ECM2: variants seen among roughly 807,000 people sequenced by gnomAD.
The protein encoded by ECM2 is extracellular matrix protein 2, also known as extracellular matrix protein 2, female organ and adipocyte specific.
ECM2 carries 57 observed loss-of-function variants against 67.5 expected under a neutral mutation model. That is an observed-to-expected ratio of 0.84 (90% CI 0.68 to 1.05). The LOEUF (loss-of-function observed/expected upper bound fraction) is 1.05, where lower values mean the gene tolerates loss of function less well. ECM2 is among the 50% of genes least tolerant of loss of function. The pLI, the probability that ECM2 is intolerant of heterozygous loss-of-function variation, is 0.00. For synonymous variants in ECM2, 258 were observed against 294.5 expected, an observed-to-expected ratio of 0.88 and a Z score of 1.27; for missense variants, 741 against 822.8, an observed-to-expected ratio of 0.90 and a Z score of 1.22.
intron 1 of ECM2, among the ~76,000 whole-genome samples, chr9:92,532,647 C>G (rs1848869291): frequency 6.6e-6 from 1 of 151,948 alleles, no homozygotes; most frequent in South Asian, 2.1e-4. Context: ...CTTCCTTGTT[C>G]TTTTATTGTA....
chr9:92,530,517 A>G (rs1363415368), intron 1 of ECM2, among the ~76,000 whole-genome samples: 1 of 152,208 alleles, frequency 6.6e-6, no homozygotes, highest in African/African-American at 2.4e-5. Flanking sequence ...CTTTAATACT[A>G]TTAACCTATT....
At chr9:92,516,314 C>T (rs1847718298) in intron 3 of ECM2, among the ~76,000 whole-genome samples, 2 of 152,184 alleles carry the variant, frequency 1.3e-5, no homozygotes, top group African/African-American at 4.8e-5. Context: ...CCTCCCGCCT[C>T]AGCCTCCCAA....
At chr9:92,494,736 A>G (rs11795122), downstream of ECM2, among the ~76,000 whole-genome samples, 70,789 of 151,712 alleles carry the variant, frequency 0.47, 19,577 homozygotes, top group African/African-American at 0.77. Context: ...GTAAAACCCC[A>G]TCTCTATTAA....
At chr9:92,521,376 T>C (rs1352930725) in intron 2 of ECM2, among the ~76,000 whole-genome samples, 2 of 152,194 alleles carry the variant, frequency 1.3e-5, no homozygotes, top group Non-Finnish European at 2.9e-5. Context: ...TACATTATTA[T>C]TACAATGTTT....
At position 92,501,144 on chromosome 9, in the gene ECM2, C is replaced by T. The variant is rs1846649343; in HGVS notation, c.1605-91G>A. On this transcript the variant is annotated intron_variant, in intron 8 of 9. Coordinates refer to ENST00000344604, the MANE Select transcript of ECM2 (RefSeq NM_001393.4). ...GATAAGGCCAGTCTCGATGCTGGTC[C>T]ATTTTCCTATAAGCACCCAGTTTGT... The T allele has an allele frequency of 6.9e-6, 9 of 1,313,138 alleles. No individual in the cohort carries two copies. The South Asian group carries it at 1.3e-4, about 19-fold the overall frequency. The allele number at this position is 1,313,138 out of a possible 1,614,324, so 81.3% of individuals were successfully genotyped here.
At chr9:92,534,792 C>G (rs920946794) in intron 1 of ECM2, among the ~76,000 whole-genome samples, 5 of 152,134 alleles carry the variant, frequency 3.3e-5, no homozygotes, top group Admixed American at 1.3e-4. Flanking sequence ...GGCAAGTGTG[C>G]TCTGATGGAT....
At position 92,515,122 on chromosome 9, in the gene ECM2, G is replaced by A. The variant is rs1215316113; in HGVS notation, c.563C>T (p.Thr188Ile). The A allele has an allele frequency of 6.2e-7, 1 of 1,613,634 alleles. No homozygotes were observed. ...SGDSSEQREP[T>I]NLLHKQLPPP... The stretch of plus-strand genomic sequence containing the variant: ...TGGCAGTTGCTTATGAAGTAAATTG[G>A]TAGGTTCTCTTTGTTCTGAAGAATC... The change falls in exon 4 of 10, where the codon ACC (threonine) becomes ATC (isoleucine). Residue 188 changes from threonine (T) to isoleucine (I), a missense_variant. Transcript: ENST00000344604.
chr9:92,542,071 C>T, the ECM2 span, among the ~76,000 whole-genome samples: 28 of 152,224 alleles, frequency 1.8e-4, no homozygotes, highest in Admixed American at 1.1e-3. Flanking sequence ...GGATTATAGG[C>T]GTGAGCCACT....
chr9:92,502,313 A>G (rs1475837593), intron 8 of ECM2, among the ~76,000 whole-genome samples, 200 bp downstream of exon 8: 1 of 152,222 alleles, frequency 6.6e-6, no homozygotes, highest in Non-Finnish European at 1.5e-5. Context: ...AACACCAGTC[A>G]TGCAGCGCAC....
the ECM2 span, among the ~76,000 whole-genome samples, chr9:92,544,999 C>T: frequency 6.6e-6 from 1 of 152,152 alleles, no homozygotes; most frequent in African/African-American, 2.4e-5. Context: ...GCTGGGATTA[C>T]CGGTGTGAGC....
chr9:92,498,015 A>G (rs1846455401), intron 9 of ECM2, among the ~76,000 whole-genome samples: 1 of 152,088 alleles, frequency 6.6e-6, no homozygotes, highest in Admixed American at 6.5e-5. Flanking sequence ...TGCAGATGCC[A>G]GTGCCGTGCT....
intron 1 of ECM2, among the ~76,000 whole-genome samples, chr9:92,524,830 A>G (rs559796906): frequency 6.6e-5 from 10 of 152,362 alleles, no homozygotes; most frequent in East Asian, 1.9e-4. Context: ...ATTTATTTCA[A>G]TTCTCACAGG....
In ECM2 at chr9:92,498,454, T is replaced by A. The variant is rs987821499; in HGVS notation, c.1932-1971A>T. ...CCCTAAAAGTATAGTAAAAAGAAAATATATATATATTAAAAAAAGACAATC... is the reference window on the plus strand; with the variant it reads ...CCCTAAAAGTATAGTAAAAAGAAAAAATATATATATTAAAAAAAGACAATC... On this transcript the variant is annotated intron_variant, in intron 9 of 9. Transcript: ENST00000344604. 9.3e-5 allele frequency among the ~76,000 whole-genome samples: 14 copies of A among 151,320 alleles called. 1 individual carries two copies. Among genetic ancestry groups the A allele is most frequent in the Non-Finnish European group, 4.4e-5 (3 of 67,824 alleles).
intron 1 of ECM2, chr9:92,527,836 A>AT (rs994911166): frequency 1.9e-5 from 3 of 154,090 alleles, no homozygotes; most frequent in African/African-American, 7.2e-5. Context: ...TAACTGACCT[A>AT]TTTTTTACAT....
intron 1 of ECM2, among the ~76,000 whole-genome samples, chr9:92,533,224 C>T (rs563595227): frequency 2.9e-5 from 4 of 136,436 alleles, no homozygotes; most frequent in East Asian, 2.3e-4. Flanking sequence ...CACTTGAACC[C>T]GGGAGGTGGA....
chr9:92,512,467 A>G lies in ECM2; in HGVS notation c.1055-341T>C, dbSNP rs557019004. On this transcript the variant is annotated intron_variant, in intron 4 of 9. Transcript: ENST00000344604. ...ACAACAAAGGTGTGGAAGGTTACAC[A>G]GAAACTGATTTTTATTCTTCATATT... is the stretch of plus-strand genomic sequence containing the variant. Among the ~76,000 whole-genome samples the G allele has an allele frequency of 8.5e-5, 13 of 152,342 alleles. 1 individual carries two copies. Among genetic ancestry groups the G allele is most frequent in the Admixed American group, 6.5e-4 (10 of 15,296 alleles).
chr9:92,549,179 G>A, the ECM2 span, among the ~76,000 whole-genome samples: 12 of 152,186 alleles, frequency 7.9e-5, no homozygotes, highest in African/African-American at 2.9e-4. Context: ...AGGAAAATGG[G>A]CTATGGACTT....
chr9:92,546,472 G>A, the ECM2 span, among the ~76,000 whole-genome samples: 3 of 152,100 alleles, frequency 2.0e-5, no homozygotes, highest in Admixed American at 6.5e-5. Context: ...TGAAGCCAGC[G>A]AGTCCACGAA....
chr9:92,529,557 C>T (rs1848621924), intron 1 of ECM2, among the ~76,000 whole-genome samples: 1 of 152,090 alleles, frequency 6.6e-6, no homozygotes, highest in South Asian at 2.1e-4. Context: ...AAGCAACCAA[C>T]ATGTTCTTCA....
Sources: gnomAD v4.1 joint callset for allele counts (sites outside exome capture counted in the v4.1 genomes callset) on GRCh38, gnomAD v4.1.1 for gene constraint, MANE v1.5 for transcripts, NCBI Gene and HGNC (gene_info 2026-07-23, HGNC 2026-07-21) for gene names.